Variants in ALG8 observed in about 807,000 individuals in gnomAD.
ALG8 encodes ALG8 alpha-1,3-glucosyltransferase, also known as dolichyl pyrophosphate Glc1Man9GlcNAc2 alpha-1,3-glucosyltransferase.
ALG8 carries 48 observed loss-of-function variants against 70.2 expected under a neutral mutation model. The observed-to-expected ratio is 0.68, with a 90% CI of 0.54 to 0.87. ALG8 has a LOEUF of 0.87. ALG8 is among the 40% of genes least tolerant of loss of function. The pLI is 0.00. For synonymous variants in ALG8, 234 were observed against 229.0 expected (o/e 1.02, Z -0.20); for missense variants, 572 against 608.7 (o/e 0.94, Z 0.64).
intron 9 of ALG8, 88 bp from the exon 10 acceptor site, chr11:78,107,034 C>A: frequency 1.4e-6 from 2 of 1,472,620 alleles, no homozygotes; most frequent in Non-Finnish European, 1.9e-6. Flanking sequence ...TTTGCATCAT[C>A]TCTGAAAGAC....
chr11:78,106,254 G>C (rs146393752), intron 10 of ALG8, among the ~76,000 whole-genome samples: 1 of 152,062 alleles, frequency 6.6e-6, no homozygotes, highest in Non-Finnish European at 1.5e-5. Flanking sequence ...ATGGAATGCA[G>C]TGGTGCGATC....
At chr11:78,117,112 A>G (rs1428030397) in intron 5 of ALG8, among the ~76,000 whole-genome samples, 1 of 152,190 alleles carries the variant, frequency 6.6e-6, no homozygotes, top group African/African-American at 2.4e-5. Flanking sequence ...TAGATTATCA[A>G]ATTTGATCTT....
At chr11:78,116,576 G>A (rs913811493) in intron 5 of ALG8, among the ~76,000 whole-genome samples, 8 of 151,992 alleles carry the variant, frequency 5.3e-5, no homozygotes, top group East Asian at 1.9e-4. Flanking sequence ...AAAATTAGCC[G>A]GGAGTGGTGG....
In ALG8 at chr11:78,106,820, T is replaced by C. The variant is rs535366536; in HGVS notation, c.1165A>G (p.Ile389Val). 2.4e-5 allele frequency: 38 copies of C among 1,614,044 alleles called. No individual in the cohort carries two copies. The highest frequency in any genetic ancestry group is 4.0e-5 in the African/African-American group (3 of 75,024). Residue 389 changes from isoleucine to valine, a missense_variant, in exon 10 of 13, where the codon ATT (isoleucine) becomes GTT (valine). By Grantham distance (29) the Ile-to-Val change is conservative. Transcript: ENST00000299626. ...HVHEKAILLAILPMSLLSVGK... is the reference protein window; with the variant it reads ...HVHEKAILLAVLPMSLLSVGK... ...CTATCTGCTTACCTCATTGGGAGAA[T>C]TGCTAGAAGTATGGCTTTTTCATGA...
At chr11:78,121,255 C>T (rs766439033) in intron 3 of ALG8, 81 bp from the exon 4 acceptor site, 3 of 910,228 alleles carry the variant, frequency 3.3e-6, no homozygotes, top group Admixed American at 1.7e-5. Context: ...AACTATGATA[C>T]ATTAGTCATT....
At chr11:78,111,448 A>G (rs892899893) in intron 8 of ALG8, among the ~76,000 whole-genome samples, 1 of 152,252 alleles carries the variant, frequency 6.6e-6, no homozygotes, top group Non-Finnish European at 1.5e-5. Context: ...TCAATGCCAC[A>G]CACTGCAATA....
At chr11:78,117,327 C>T (rs1192843530) in intron 5 of ALG8, among the ~76,000 whole-genome samples, 1 of 152,082 alleles carries the variant, frequency 6.6e-6, no homozygotes, top group Non-Finnish European at 1.5e-5. Flanking sequence ...AGGGATGGCC[C>T]CAAAATCTGA....
intron 1 of ALG8, among the ~76,000 whole-genome samples, chr11:78,133,990 T>C (rs931327416): frequency 6.6e-6 from 1 of 152,142 alleles, no homozygotes; most frequent in Admixed American, 6.5e-5. Context: ...CATTTTAAAA[T>C]ACTTTATCGC....
Position 78,117,666 on chromosome 11 carries a change from G to A in ALG8, c.546+1516C>T, listed in dbSNP as rs565620255. 5.9e-5 allele frequency among the ~76,000 whole-genome samples: 9 copies of A among 151,450 alleles called. No homozygotes were observed. The East Asian group carries it at 9.7e-4, about 16-fold the overall frequency. ...GGTGGTGTGCACCTGTAATTCTAGC[G>A]ACTCAGGAGGCTGAGGTGAGAGAAT... On this transcript the variant is annotated intron_variant, in intron 5 of 12. Transcript: ENST00000299626.
chr11:78,139,025 G>A (rs1203851991), intron 1 of ALG8: 2 of 344,634 alleles, frequency 5.8e-6, no homozygotes, highest in Non-Finnish European at 1.1e-5. Flanking sequence ...ACCTTCTAAA[G>A]GAATAGCGCA....
intron 1 of ALG8, among the ~76,000 whole-genome samples, chr11:78,129,293 G>A (rs1861205943): frequency 6.6e-6 from 1 of 151,848 alleles, no homozygotes; most frequent in South Asian, 2.1e-4. Flanking sequence ...GGTGGTGGGC[G>A]CCTGTAGTCC....
At position 78,112,635 on chromosome 11, in the gene ALG8, T is replaced by C. The variant is rs538302830; in HGVS notation, c.898+15A>G. 1 of 1,613,196 alleles carries C rather than the reference T, an allele frequency of 6.2e-7. No individual in the cohort carries two copies. Among genetic ancestry groups the C allele is most frequent in the South Asian group, 1.1e-5 (1 of 91,064 alleles). ...CAATATTCAGAGTCTGAGTAAAAAA[T>C]GCTCGCTACCATACCGATGACAGAC... On this transcript the variant is annotated intron_variant, in intron 8 of 12. Transcript: ENST00000299626.
At position 78,133,077 on chromosome 11, in the gene ALG8, C is replaced by T. The variant is rs534587430; in HGVS notation, c.96-5641G>A. Among the ~76,000 whole-genome samples, 6 of 152,156 alleles carry T rather than the reference C, an allele frequency of 3.9e-5. No individual in the cohort carries two copies. The South Asian group carries it at 6.2e-4, about 16-fold the overall frequency. On this transcript the variant is annotated intron_variant, in intron 1 of 12. Coordinates refer to ENST00000299626, the MANE Select transcript of ALG8 (RefSeq NM_024079.5). ...GTCTCGATCTCCTGACCTCGTGATC[C>T]GCCCGCCTCGGCCTCCCAAAGTGCT...
chr11:78,108,268 G>C (rs1860133848), intron 9 of ALG8, among the ~76,000 whole-genome samples: 1 of 151,724 alleles, frequency 6.6e-6, no homozygotes, highest in Non-Finnish European at 1.5e-5. Flanking sequence ...AACAGAACAA[G>C]ACTCCCGTCT....
intron 2 of ALG8, among the ~76,000 whole-genome samples, chr11:78,126,175 A>G (rs891213960): frequency 2.0e-5 from 3 of 151,230 alleles, no homozygotes; most frequent in Admixed American, 6.6e-5. Context: ...AAAAGAAGAA[A>G]TTTCTGGAGT....
At chr11:78,111,307 C>T (rs1478242932) in intron 8 of ALG8, among the ~76,000 whole-genome samples, 2 of 152,232 alleles carry the variant, frequency 1.3e-5, no homozygotes, top group Non-Finnish European at 2.9e-5. Context: ...TCCAAAGTCT[C>T]TGCTACTGAT....
At chr11:78,105,174 T>C (rs1190900994) in intron 10 of ALG8, among the ~76,000 whole-genome samples, 1 of 152,142 alleles carries the variant, frequency 6.6e-6, no homozygotes, top group Non-Finnish European at 1.5e-5. Context: ...AGTTTTTGCT[T>C]TACTTTTTAA....
At chr11:78,105,852 G>T (rs574787094) in intron 10 of ALG8, among the ~76,000 whole-genome samples, 64 of 152,074 alleles carry the variant, frequency 4.2e-4, no homozygotes, top group Non-Finnish European at 7.2e-4. Context: ...GGGATTACAG[G>T]CATGCACCAC....
At chr11:78,106,689 C>T in intron 10 of ALG8, 118 bp downstream of exon 10, 1 of 1,345,966 alleles carries the variant, frequency 7.4e-7, no homozygotes, top group Non-Finnish European at 1.0e-6. Flanking sequence ...GACATCTGTT[C>T]CTATACATCT....
Sources: allele counts gnomAD v4.1 joint callset (sites outside exome capture counted in the v4.1 genomes callset), GRCh38; gene constraint gnomAD v4.1.1; transcripts MANE v1.5; gene names NCBI Gene and HGNC (gene_info 2026-07-23, HGNC 2026-07-21).